Variants in TOMM34 observed in about 807,000 individuals in gnomAD.
TOMM34 encodes the protein mitochondrial import receptor subunit TOM34.
TOMM34 carries 24 observed loss-of-function variants against 37.4 expected under a neutral mutation model. That is an observed-to-expected ratio of 0.64 (90% CI 0.46 to 0.90). The LOEUF (loss-of-function observed/expected upper bound fraction) is 0.90, where lower values mean the gene tolerates loss of function less well. Among genes scored for constraint, TOMM34 ranks in the 40% least tolerant of loss-of-function variants. TOMM34 has a pLI of 0.00. For synonymous variants in TOMM34, 154 were observed against 148.9 expected, an observed-to-expected ratio of 1.03 and a Z score of -0.25; for missense variants, 304 against 375.6, an observed-to-expected ratio of 0.81 and a Z score of 1.58.
rs528808883 is a variant in TOMM34 at position 44,959,904 on chromosome 20, C to A, written c.127+303G>T. 15 of 982,686 alleles carry A rather than the reference C, an allele frequency of 1.5e-5. No individual in the cohort carries two copies. In the East Asian group the frequency reaches 1.5e-3, roughly 97 times the overall value. The allele number at this position is 982,686 out of a possible 1,614,324, so 60.9% of individuals were successfully genotyped here. On this transcript the variant is annotated intron_variant, in intron 1 of 6. Coordinates refer to ENST00000372813, the MANE Select transcript of TOMM34 (RefSeq NM_006809.5). ...GACTTTTTGTGTCTTGTTACACAGGCGGTATATAACAGCTACTCAACAAAT... is the reference window on the plus strand; with the variant it reads ...GACTTTTTGTGTCTTGTTACACAGGAGGTATATAACAGCTACTCAACAAAT...
chr20:44,948,394 G>C (rs982072434), intron 5 of TOMM34, among the ~76,000 whole-genome samples: 7 of 152,218 alleles, frequency 4.6e-5, no homozygotes, highest in South Asian at 2.1e-4. Context: ...GAGAAGGGTA[G>C]GGAGCAGCGT....
At chr20:44,950,426 AAG>A (rs1568661274) in intron 4 of TOMM34, among the ~76,000 whole-genome samples, 1 of 152,216 alleles carries the variant, frequency 6.6e-6, no homozygotes, top group Non-Finnish European at 1.5e-5. Flanking sequence ...CTTGTGTTTT[AAG>A]ACACTGTTTA....
intron 5 of TOMM34, among the ~76,000 whole-genome samples, 176 bp from the exon 6 acceptor site, chr20:44,943,755 G>C (rs2066956606): frequency 6.6e-6 from 1 of 152,092 alleles, no homozygotes; most frequent in South Asian, 2.1e-4. Context: ...AAACATGCTG[G>C]CTCAGAAGGG....
At chr20:44,951,348 A>G (rs375418565) in intron 4 of TOMM34, among the ~76,000 whole-genome samples, 2 of 152,198 alleles carry the variant, frequency 1.3e-5, no homozygotes, top group African/African-American at 4.8e-5. Context: ...CTGACGCACA[A>G]CAGAAAATAA....
At chr20:44,945,472 C>T (rs2066972495) in intron 5 of TOMM34, among the ~76,000 whole-genome samples, 1 of 152,212 alleles carries the variant, frequency 6.6e-6, no homozygotes, top group Admixed American at 6.5e-5. Context: ...CTTGCAGCTT[C>T]CACCTTGGTC....
In TOMM34 at chr20:44,942,860, A is replaced by G; in HGVS notation, c.*249T>C. On this transcript the variant is annotated 3_prime_UTR_variant, in exon 7 of 7. Transcript: ENST00000372813. ...CTAGCTGGGCTGGGGGAATAGGGAC[A>G]GAGCTTCAGCTTCACGCTTAGCTCT... 1.8e-6 allele frequency: 1 copy of G among 567,170 alleles called. No homozygotes were observed. The highest frequency in any genetic ancestry group is 3.0e-5 in the East Asian group (1 of 33,674). 35.1% of individuals were successfully genotyped at this position (567,170 alleles called of 1,614,324 possible).
At position 44,960,298 on chromosome 20, in the gene TOMM34, G is replaced by T; in HGVS notation, c.36C>A (p.Leu12=). 6.3e-7 allele frequency: 1 copy of T among 1,585,708 alleles called. No homozygotes were observed. Among genetic ancestry groups the T allele is most frequent in the East Asian group, 2.3e-5 (1 of 42,820 alleles). ...APKFPDSVEE[L]RAAGNESFRN... ...GGAAACTCTCATTGCCGGCGGCGCG[G>T]AGCTCCTCCACAGAGTCTGGGAATT... is the stretch of plus-strand genomic sequence containing the variant. Residue 12 remains leucine (L), a synonymous_variant, in exon 1 of 7, where the codon CTC becomes CTA. Transcript: ENST00000372813.
chr20:44,952,046 A>G (rs774224648), intron 3 of TOMM34, 44 bp from the exon 4 acceptor site: 1 of 1,576,812 alleles, frequency 6.3e-7, no homozygotes, highest in Non-Finnish European at 8.6e-7. Flanking sequence ...CAGCTGGGTC[A>G]AGAAGATATT....
chr20:44,943,283 CAA>C, intron 6 of TOMM34, 70 bp from the exon 7 acceptor site: 1 of 1,602,544 alleles, frequency 6.2e-7, no homozygotes, highest in South Asian at 1.1e-5. Flanking sequence ...GCTGAGGCAG[CAA>C]AGTGTTTTCA....
chr20:44,946,802 T>C (rs2066984456), intron 5 of TOMM34, among the ~76,000 whole-genome samples: 1 of 152,248 alleles, frequency 6.6e-6, no homozygotes, highest in Non-Finnish European at 1.5e-5. Context: ...TGTTTTGTCA[T>C]TAGTCCTCTA....
chr20:44,948,884 A>T lies in TOMM34; in HGVS notation c.551-7T>A. 1 of 1,613,440 alleles carries T rather than the reference A, an allele frequency of 6.2e-7. No individual in the cohort carries two copies. Among genetic ancestry groups the T allele is most frequent in the Non-Finnish European group, 8.5e-7 (1 of 1,179,866 alleles). ...ACATCCCCAGCAGAAGGCACTAGATACAAATTCAGAAGAGGAAAAAAACCA... is the reference window on the plus strand; with the variant it reads ...ACATCCCCAGCAGAAGGCACTAGATTCAAATTCAGAAGAGGAAAAAAACCA... On this transcript the variant is annotated splice_region_variant and splice_polypyrimidine_tract_variant and intron_variant, in intron 4 of 6. Coordinates refer to ENST00000372813, the MANE Select transcript of TOMM34 (RefSeq NM_006809.5).
At chr20:44,943,708 T>G in intron 5 of TOMM34, 129 bp from the exon 6 acceptor site, 1 of 1,364,394 alleles carries the variant, frequency 7.3e-7, no homozygotes, top group Non-Finnish European at 1.0e-6. Flanking sequence ...TATGTCTTCT[T>G]AAATCCTCAC....
chr20:44,948,663 A>G, intron 5 of TOMM34, 67 bp downstream of exon 5: 1 of 1,575,906 alleles, frequency 6.3e-7, no homozygotes, highest in Non-Finnish European at 8.7e-7. Flanking sequence ...GGCCCATTGC[A>G]GTCCAAGAGA....
At chr20:44,953,974 C>T (rs2067048720) in intron 3 of TOMM34, among the ~76,000 whole-genome samples, 1 of 152,202 alleles carries the variant, frequency 6.6e-6, no homozygotes, top group Non-Finnish European at 1.5e-5. Context: ...GTGACTTGGC[C>T]TCACCAACCT....
At chr20:44,948,428 A>C (rs1283626718) in intron 5 of TOMM34, among the ~76,000 whole-genome samples, 1 of 152,204 alleles carries the variant, frequency 6.6e-6, no homozygotes, top group African/African-American at 2.4e-5. Flanking sequence ...GGACAGGCTA[A>C]GAGACTTGTG....
chr20:44,952,613 A>G (rs1301139084), intron 3 of TOMM34: 3 of 717,450 alleles, frequency 4.2e-6, no homozygotes, highest in Non-Finnish European at 7.8e-6. Flanking sequence ...GCCACCTTCC[A>G]GGCCCGGCTA....
rs143621246 is a variant in TOMM34 at position 44,955,106 on chromosome 20, A to C, written c.342T>G (p.Ile114Met). The C allele has an allele frequency of 2.5e-5, 40 of 1,614,158 alleles. No homozygotes were observed. In the Middle Eastern group the frequency reaches 1.8e-3, roughly 73 times the overall value. The change falls in exon 3 of 7, where the codon ATT becomes ATG. Residue 114 changes from isoleucine (I) to methionine (M), a missense_variant. Ile to Met is a conservative substitution (Grantham distance 10). Coordinates refer to ENST00000372813, the MANE Select transcript of TOMM34 (RefSeq NM_006809.5). ...AYVDYKTVLQ[I>M]DDNVTSAVEG... ...CTACGGCTGACGTCACATTATCATCAATCTGCAGCACAGTCTTATAGTCAA... is the reference window on the plus strand; with the variant it reads ...CTACGGCTGACGTCACATTATCATCCATCTGCAGCACAGTCTTATAGTCAA...
chr20:44,954,136 A>G lies in TOMM34; in HGVS notation c.380+932T>C, dbSNP rs181792332. ...TCTCATTCTTAGCTCACCTCCTCTGAAAAGCTCTCTCTGGCCTCCCCCTCT... is the reference window on the plus strand; with the variant it reads ...TCTCATTCTTAGCTCACCTCCTCTGGAAAGCTCTCTCTGGCCTCCCCCTCT... On this transcript the variant is annotated intron_variant, in intron 3 of 6. Coordinates refer to ENST00000372813, the MANE Select transcript of TOMM34 (RefSeq NM_006809.5). Among the ~76,000 whole-genome samples the G allele has an allele frequency of 2.0e-5, 3 of 152,244 alleles. No homozygotes were observed. In the East Asian group the frequency reaches 5.8e-4, roughly 29 times the overall value.
At chr20:44,943,360 T>C (rs1050522943) in intron 6 of TOMM34, 93 bp downstream of exon 6, 101 of 1,598,274 alleles carry the variant, frequency 6.3e-5, no homozygotes, top group Middle Eastern at 1.7e-4. Flanking sequence ...AAGCTGCAGA[T>C]ATTGTCTCAG....
Sources: allele counts gnomAD v4.1 joint callset (sites outside exome capture counted in the v4.1 genomes callset), GRCh38; gene constraint gnomAD v4.1.1; transcripts MANE v1.5; gene names NCBI Gene and HGNC (gene_info 2026-07-23, HGNC 2026-07-21).